Variants in TOX observed in about 807,000 individuals in gnomAD.
TOX encodes the protein thymocyte selection-associated high mobility group box protein TOX.
In TOX, 11 loss-of-function variants were observed where a neutral mutation model predicts 53.7. The ratio of observed to expected loss-of-function variants is 0.20; its 90% confidence interval spans 0.13 to 0.34. The LOEUF (loss-of-function observed/expected upper bound fraction) is 0.34. Ranked by LOEUF, TOX falls within the 10% of genes least tolerant of loss-of-function variation. The pLI is 1.00. For missense variants in TOX, 570 were observed against 664.6 expected (o/e 0.86, Z 1.56); for synonymous variants, 225 against 245.3 (o/e 0.92, Z 0.77).
chr8:58,893,108 C>A (rs1811585174), intron 3 of TOX, among the ~76,000 whole-genome samples: 1 of 152,174 alleles, frequency 6.6e-6, no homozygotes, highest in Non-Finnish European at 1.5e-5. Context: ...TTTAACTCAG[C>A]AATCTGTAAC....
chr8:59,032,620 C>T (rs750444678), intron 1 of TOX, among the ~76,000 whole-genome samples: 4 of 152,126 alleles, frequency 2.6e-5, no homozygotes, highest in African/African-American at 7.2e-5. Context: ...CTTTGTGAGT[C>T]CAGGCAATGT....
At chr8:59,045,830 G>A (rs1440236040) in intron 1 of TOX, among the ~76,000 whole-genome samples, 1 of 152,176 alleles carries the variant, frequency 6.6e-6, no homozygotes, top group South Asian at 2.1e-4. Context: ...TGCTGGCAGA[G>A]TACCTGTGAT....
chr8:58,842,032 T>G (rs569157254), intron 4 of TOX, among the ~76,000 whole-genome samples: 110 of 152,354 alleles, frequency 7.2e-4, no homozygotes, highest in Non-Finnish European at 1.5e-3. Flanking sequence ...TTTCCTATCA[T>G]GCAATTTAAA....
At chr8:59,022,612 T>C (rs991326055) in intron 1 of TOX, among the ~76,000 whole-genome samples, 21 of 152,178 alleles carry the variant, frequency 1.4e-4, no homozygotes, top group African/African-American at 5.1e-4. Flanking sequence ...GATTACAGGA[T>C]GATTGATTTG....
intron 4 of TOX, 105 bp from the exon 5 acceptor site, chr8:58,838,416 C>A: frequency 1.2e-6 from 1 of 852,682 alleles, no homozygotes; most frequent in Admixed American, 2.4e-5. Context: ...ATTCACATCA[C>A]TCAAACACAG....
intron 1 of TOX, among the ~76,000 whole-genome samples, chr8:58,970,754 A>T (rs1294045609): frequency 6.6e-6 from 1 of 152,242 alleles, no homozygotes; most frequent in Non-Finnish European, 1.5e-5. Flanking sequence ...GGCTTAGCAC[A>T]TTTTATTTAG....
intron 2 of TOX, among the ~76,000 whole-genome samples, chr8:58,955,234 C>A (rs916393271): frequency 6.6e-5 from 10 of 152,184 alleles, no homozygotes; most frequent in Admixed American, 5.9e-4. Flanking sequence ...AGAGAGAAAA[C>A]TGCTCACAAT....
intron 3 of TOX, among the ~76,000 whole-genome samples, chr8:58,906,318 T>TA (rs1277234768): frequency 6.6e-6 from 1 of 151,624 alleles, no homozygotes; most frequent in Non-Finnish European, 1.5e-5. Context: ...GAAGAAAAAA[T>TA]AAAAAATAAA....
At chr8:59,044,932 TTTGAA>T (rs2129420969) in intron 1 of TOX, among the ~76,000 whole-genome samples, 1 of 152,370 alleles carries the variant, frequency 6.6e-6, no homozygotes, top group South Asian at 2.1e-4. Flanking sequence ...AAAAATTCAT[TTTGAA>T]TTGAAGTATT....
intron 3 of TOX, among the ~76,000 whole-genome samples, chr8:58,872,022 C>A (rs1164953446): frequency 6.6e-6 from 1 of 151,992 alleles, no homozygotes; most frequent in Non-Finnish European, 1.5e-5. Context: ...AAATGGCTTG[C>A]TCTAGGACAG....
At chr8:58,914,553 G>A (rs1455039058) in intron 3 of TOX, among the ~76,000 whole-genome samples, 1 of 152,110 alleles carries the variant, frequency 6.6e-6, no homozygotes, top group Non-Finnish European at 1.5e-5. Context: ...TAGGGGGTGG[G>A]GGACAGAAAT....
chr8:58,989,127 G>A (rs952127422), intron 1 of TOX, among the ~76,000 whole-genome samples: 8 of 152,102 alleles, frequency 5.3e-5, no homozygotes, highest in South Asian at 2.1e-4. Context: ...CCAGCCTGGC[G>A]AACATGGCAA....
At chr8:59,030,532 C>T (rs965866688) in intron 1 of TOX, among the ~76,000 whole-genome samples, 4 of 152,170 alleles carry the variant, frequency 2.6e-5, no homozygotes, top group African/African-American at 4.8e-5. Flanking sequence ...CTGCTTCTAA[C>T]GTCACTAAGT....
At chr8:58,912,165 A>T (rs544258726) in intron 3 of TOX, among the ~76,000 whole-genome samples, 1 of 152,300 alleles carries the variant, frequency 6.6e-6, no homozygotes, top group East Asian at 1.9e-4. Flanking sequence ...TCTCATCATA[A>T]TTTTTCTTAA....
intron 1 of TOX, among the ~76,000 whole-genome samples, chr8:58,969,326 C>T (rs1453437418): frequency 1.3e-5 from 2 of 152,128 alleles, no homozygotes; most frequent in Non-Finnish European, 2.9e-5. Flanking sequence ...AAATCCTTCA[C>T]GACATTGAGT....
intron 2 of TOX, among the ~76,000 whole-genome samples, chr8:58,957,957 T>C (rs1812738657): frequency 6.6e-6 from 1 of 152,210 alleles, no homozygotes; most frequent in Admixed American, 6.5e-5. Context: ...AGTGTAAAAT[T>C]TAGCTAAGGC....
intron 6 of TOX, among the ~76,000 whole-genome samples, chr8:58,816,035 G>A (rs926045920): frequency 6.6e-6 from 1 of 152,210 alleles, no homozygotes; most frequent in Non-Finnish European, 1.5e-5. Flanking sequence ...GGTGGGGGAC[G>A]GGAGAAGGCA....
At chr8:59,047,285 C>T (rs893390273) in intron 1 of TOX, among the ~76,000 whole-genome samples, 2 of 136,344 alleles carry the variant, frequency 1.5e-5, no homozygotes, top group South Asian at 2.4e-4. Flanking sequence ...GGCACGATCT[C>T]GGCTCACTGC....
intron 1 of TOX, among the ~76,000 whole-genome samples, chr8:59,101,958 C>T (rs1277197633): frequency 6.6e-6 from 1 of 152,082 alleles, no homozygotes; most frequent in South Asian, 2.1e-4. Flanking sequence ...GCCTGGCTGC[C>T]CAGAAACAGA....
Sources: allele counts gnomAD v4.1 joint callset (sites outside exome capture counted in the v4.1 genomes callset), GRCh38; gene constraint gnomAD v4.1.1; transcripts MANE v1.5; gene names NCBI Gene and HGNC (gene_info 2026-07-23, HGNC 2026-07-21).